The following OCA2 variants were observed in gnomAD, a reference collection of about 807,000 sequenced individuals.
The protein encoded by OCA2 is P protein.
Under a neutral mutation model 100.2 loss-of-function variants are expected in OCA2, and 77 were observed. The ratio of observed to expected loss-of-function variants is 0.77; its 90% CI spans 0.64 to 0.93. The LOEUF is 0.93. OCA2 is among the 40% of genes least tolerant of loss of function. OCA2 has a pLI of 0.00. For missense variants in OCA2, 1,062 were observed against 1,089.1 expected (o/e 0.98, Z 0.35); for synonymous variants, 432 against 439.2 (o/e 0.98, Z 0.21).
intron 19 of OCA2, among the ~76,000 whole-genome samples, chr15:27,914,629 A>G (rs1391476771): frequency 3.3e-5 from 5 of 152,310 alleles, no homozygotes; most frequent in Admixed American, 1.3e-4. Context: ...TACAAAAAAT[A>G]CAATACCTAG....
chr15:27,814,007 C>CA (rs1212991358), intron 23 of OCA2, among the ~76,000 whole-genome samples: 1 of 152,036 alleles, frequency 6.6e-6, no homozygotes, highest in Non-Finnish European at 1.5e-5. Context: ...TTGGAATACC[C>CA]ATCACCTTAA....
At chr15:28,050,132 A>G (rs1220550534) in intron 2 of OCA2, among the ~76,000 whole-genome samples, 1 of 151,994 alleles carries the variant, frequency 6.6e-6, no homozygotes, top group East Asian at 1.9e-4. Flanking sequence ...AAAAATGTTA[A>G]AAGTTAGCTG....
At position 28,057,790 on chromosome 15, in the gene OCA2, G is replaced by A. The variant is rs376764397; in HGVS notation, c.227+23858C>T. The stretch of plus-strand genomic sequence containing the variant: ...AGCCGCTGCTGCAGGGGAACAGGTG[G>A]GAACAACGTCATCACAAAGACGGGT... On this transcript the variant is annotated intron_variant, in intron 2 of 23. Transcript: ENST00000354638. Among the ~76,000 whole-genome samples, 4 of 150,822 alleles carry A rather than the reference G, an allele frequency of 2.7e-5. No homozygotes were observed. In the South Asian group the frequency reaches 8.3e-4, roughly 31 times the overall value.
intron 7 of OCA2, among the ~76,000 whole-genome samples, chr15:28,017,043 T>G (rs1381156191): frequency 2.0e-3 from 71 of 35,296 alleles, no homozygotes; most frequent in Non-Finnish European, 2.6e-3. Context: ...AGTGATCACC[T>G]GGGGAGGCAG....
At chr15:27,862,873 C>A (rs1012760275) in intron 21 of OCA2, among the ~76,000 whole-genome samples, 1 of 152,132 alleles carries the variant, frequency 6.6e-6, no homozygotes, top group Non-Finnish European at 1.5e-5. Context: ...CAAAGGCATC[C>A]CGTCATTCTT....
At chr15:27,741,618 A>C in the OCA2 span, among the ~76,000 whole-genome samples, 1 of 152,194 alleles carries the variant, frequency 6.6e-6, no homozygotes, top group African/African-American at 2.4e-5. Context: ...CTAATTATTT[A>C]TGAGGGTCTG....
intron 23 of OCA2, among the ~76,000 whole-genome samples, chr15:27,837,817 A>AG (rs1049813459): frequency 5.4e-5 from 8 of 149,318 alleles, no homozygotes; most frequent in South Asian, 2.2e-4. Flanking sequence ...CAGTGAGGGC[A>AG]GGGGGGGAAA....
intron 23 of OCA2, among the ~76,000 whole-genome samples, chr15:27,772,994 T>G (rs1318526117): frequency 6.6e-6 from 1 of 152,224 alleles, no homozygotes; most frequent in Non-Finnish European, 1.5e-5. Context: ...ATTTTCTCTA[T>G]TCTGATGCAA....
chr15:27,983,709 C>T (rs138012760), intron 13 of OCA2, among the ~76,000 whole-genome samples: 125 of 152,206 alleles, frequency 8.2e-4, no homozygotes, highest in African/African-American at 3.0e-3. Context: ...CCTCCAGCCA[C>T]CAAACCCTCG....
downstream of OCA2, among the ~76,000 whole-genome samples, chr15:27,752,363 AG>A (rs2030093727): frequency 6.6e-6 from 1 of 152,236 alleles, no homozygotes; most frequent in Non-Finnish European, 1.5e-5. Flanking sequence ...ATAACGACAC[AG>A]GATTTAATAA....
rs137890208 is a variant in OCA2, at chr15:28,058,039, C to A, written c.227+23609G>T. ...AGAGCTGGGTACCTGCAGCAGGTCA[C>A]CCTGGCCCACCAAGTGCCCTGGTAC... is the stretch of plus-strand genomic sequence containing the variant. On this transcript the variant is annotated intron_variant, in intron 2 of 23. Transcript: ENST00000354638. 4.6e-5 allele frequency among the ~76,000 whole-genome samples: 7 copies of A among 152,292 alleles called. No homozygotes were observed. In the South Asian group the frequency reaches 1.4e-3, roughly 32 times the overall value.
At chr15:28,087,473 T>G (rs1264048839) in intron 1 of OCA2, among the ~76,000 whole-genome samples, 1 of 152,164 alleles carries the variant, frequency 6.6e-6, no homozygotes, top group Non-Finnish European at 1.5e-5. Context: ...AGGAGAGGCA[T>G]GGTGGTTCAC....
At chr15:28,003,631 G>A (rs369320484) in intron 9 of OCA2, among the ~76,000 whole-genome samples, 10 of 149,908 alleles carry the variant, frequency 6.7e-5, no homozygotes, top group African/African-American at 2.5e-4. Flanking sequence ...GGTGCAGCGC[G>A]TGAGCCGTGC....
chr15:27,796,539 G>A (rs781054795), intron 23 of OCA2, among the ~76,000 whole-genome samples: 1 of 152,098 alleles, frequency 6.6e-6, no homozygotes, highest in Non-Finnish European at 1.5e-5. Flanking sequence ...GGGCAGGGCA[G>A]GTGCTCAGTG....
intron 23 of OCA2, among the ~76,000 whole-genome samples, chr15:27,780,608 AG>A (rs2032487927): frequency 6.6e-6 from 1 of 152,250 alleles, no homozygotes; most frequent in Non-Finnish European, 1.5e-5. Context: ...AGAGCAACTC[AG>A]GTTACTCGGG....
At chr15:28,042,373 T>C (rs1340473008) in intron 2 of OCA2, among the ~76,000 whole-genome samples, 1 of 151,242 alleles carries the variant, frequency 6.6e-6, no homozygotes, top group Non-Finnish European at 1.5e-5. Flanking sequence ...ACGCCTGTAA[T>C]CCCAGCACTT....
the OCA2 span, among the ~76,000 whole-genome samples, chr15:27,719,311 GTC>G: frequency 2.6e-5 from 4 of 151,208 alleles, no homozygotes; most frequent in East Asian, 1.9e-4. Flanking sequence ...TACATCCCTG[GTC>G]TCTCTCTCTC....
chr15:27,765,253 T>TA (rs995612772), intron 23 of OCA2, among the ~76,000 whole-genome samples: 7 of 152,132 alleles, frequency 4.6e-5, no homozygotes, highest in African/African-American at 1.4e-4. Flanking sequence ...CACTGGAATG[T>TA]AAAAAAAGCC....
chr15:27,881,524 T>G (rs2037015028), intron 19 of OCA2, among the ~76,000 whole-genome samples: 1 of 152,196 alleles, frequency 6.6e-6, no homozygotes, highest in Admixed American at 6.5e-5. Flanking sequence ...CTGTTAAATA[T>G]TCATTACTGC....
Sources: allele counts gnomAD v4.1 joint callset (sites outside exome capture counted in the v4.1 genomes callset), GRCh38; gene constraint gnomAD v4.1.1; transcripts MANE v1.5; gene names NCBI Gene and HGNC (gene_info 2026-07-23, HGNC 2026-07-21).